KIAA0408: variants seen among roughly 807,000 people sequenced by gnomAD.
KIAA0408 encodes the protein KIAA0408.
KIAA0408 carries 51 observed loss-of-function variants against 60.9 expected under a neutral mutation model. The ratio of observed to expected loss-of-function variants is 0.84; its 90% confidence interval spans 0.67 to 1.06. The LOEUF (loss-of-function observed/expected upper bound fraction) is 1.06, where lower values mean the gene tolerates loss of function less well. KIAA0408 is among the 50% of genes least tolerant of loss of function. KIAA0408 has a pLI of 0.00. For missense variants in KIAA0408, 787 were observed against 833.9 expected, an observed-to-expected ratio of 0.94 and a Z score of 0.69; for synonymous variants, 304 against 282.4, an observed-to-expected ratio of 1.08 and a Z score of -0.77.
In KIAA0408 at chr6:127,450,173, A is replaced by C. The variant is rs775296387; in HGVS notation, c.315T>G (p.Asn105Lys). The change falls in exon 3 of 6, where the codon AAT (asparagine) becomes AAG (lysine). Residue 105 changes from asparagine to lysine, a missense_variant. Physicochemically the swap from Asn to Lys is moderately conservative, Grantham distance 94 (BLOSUM62 0). Coordinates refer to ENST00000483725, the MANE Select transcript of KIAA0408 (RefSeq NM_014702.5). The stretch of plus-strand genomic sequence containing the variant: ...CACTGACTAAGCTCTGCTCTCTTTT[A>C]TTTTCTTTTCTCAGACCATCTTTGT... ...TNHKDGLRKENKREQSLVSGG... is the reference protein window; with the variant it reads ...TNHKDGLRKEKKREQSLVSGG... 2 of 1,613,390 alleles carry C rather than the reference A, an allele frequency of 1.2e-6. No homozygotes were observed. The highest frequency in any genetic ancestry group is 2.2e-5 in the East Asian group (1 of 44,866).
chr6:127,450,026 C>T lies in KIAA0408; in HGVS notation c.462G>A (p.Glu154=). ...CGCCAGAACAGCTCTTGCTGTCTTC[C>T]TCAGAAGTCCTCAGGTCAGGCCAGG... The part of the protein sequence containing the change: ...CEAWPDLRTS[E]EDSKSCSGAL... The change falls in exon 3 of 6, where the codon GAG becomes GAA. Residue 154 remains glutamate (E), a synonymous_variant. Transcript: ENST00000483725. The T allele has an allele frequency of 6.2e-7, 1 of 1,613,970 alleles. No homozygotes were observed. Among genetic ancestry groups the T allele is most frequent in the Non-Finnish European group, 8.5e-7 (1 of 1,179,962 alleles).
rs1056825093 is a variant in KIAA0408 at position 127,441,456 on chromosome 6, C to T, written c.*2653G>A. 8 of 152,450 alleles carry T rather than the reference C, an allele frequency of 5.2e-5. No homozygotes were observed. The highest frequency in any genetic ancestry group is 1.9e-4 in the African/African-American group (8 of 41,406). 9.4% of individuals were successfully genotyped at this position (152,450 alleles called of 1,614,324 possible). On this transcript the variant is annotated 3_prime_UTR_variant, in exon 6 of 6. Transcript: ENST00000483725. ...CACAAACTCAAGTACTCCTCTCTGC[C>T]TCATCCTTATTCCTTTCTGAGATCA...
In KIAA0408 at chr6:127,453,893, T is replaced by C; in HGVS notation, c.89A>G (p.Lys30Arg). 6.2e-7 allele frequency: 1 copy of C among 1,613,014 alleles called. No homozygotes were observed. The highest frequency in any genetic ancestry group is 2.2e-5 in the East Asian group (1 of 44,844). ...ELLDQFDNER[K>R]EWESQWKIMQ... ...AATCTTCCATTGACTTTCCCATTCC[T>C]TTCTTTCATTGTCAAACTGGTCCAG... Residue 30 changes from lysine (K) to arginine (R), a missense_variant, in exon 2 of 6, where the codon AAG becomes AGG. Coordinates refer to ENST00000483725, the MANE Select transcript of KIAA0408 (RefSeq NM_014702.5).
intron 5 of KIAA0408, among the ~76,000 whole-genome samples, chr6:127,445,931 C>T (rs957653234): frequency 1.1e-4 from 17 of 151,978 alleles, no homozygotes; most frequent in African/African-American, 3.6e-4. Context: ...GTGTATTTCC[C>T]ATATTCATAT....
chr6:127,447,670 T>C lies in KIAA0408; in HGVS notation c.649A>G (p.Asn217Asp). ...TNIPHGDPMI[N>D]NDQCILPISL... ...ATTGGAAGAATGCACTGGTCATTGTTGATCATGGGGTCCCCATGAGGTATA... is the reference window on the plus strand; with the variant it reads ...ATTGGAAGAATGCACTGGTCATTGTCGATCATGGGGTCCCCATGAGGTATA... The change falls in exon 5 of 6, where the codon AAC becomes GAC. Residue 217 changes from asparagine to aspartate, a missense_variant. Asn to Asp is a conservative substitution (Grantham distance 23, BLOSUM62 1). Transcript: ENST00000483725. 6.3e-7 allele frequency: 1 copy of C among 1,599,160 alleles called. No homozygotes were observed. Among genetic ancestry groups the C allele is most frequent in the Non-Finnish European group, 8.5e-7 (1 of 1,175,582 alleles).
At chr6:127,456,820 G>C (rs1337595771) in intron 1 of KIAA0408, among the ~76,000 whole-genome samples, 1 of 151,660 alleles carries the variant, frequency 6.6e-6, no homozygotes, top group Non-Finnish European at 1.5e-5. Flanking sequence ...GAGATTAAGT[G>C]AGCAAAAGGG....
chr6:127,452,684 C>T (rs1773321728), intron 2 of KIAA0408, among the ~76,000 whole-genome samples: 1 of 152,056 alleles, frequency 6.6e-6, no homozygotes, highest in Non-Finnish European at 1.5e-5. Context: ...CTGAACTTCC[C>T]AAACATTTGG....
chr6:127,450,590 G>T, intron 2 of KIAA0408: 1 of 414,118 alleles, frequency 2.4e-6, no homozygotes, highest in Non-Finnish European at 4.1e-6. Flanking sequence ...CTTTTGACTA[G>T]CAATCAATCA....
rs1773118460 is a variant in KIAA0408 at position 127,442,251 on chromosome 6, A to T, written c.*1858T>A. On this transcript the variant is annotated 3_prime_UTR_variant, in exon 6 of 6. Transcript: ENST00000483725. Reference sequence around the variant, plus strand: ...GATCATACCAGACTACTTGGGATACACTGGTGGAGAGGAACAGATAGGTTG... The same window carrying T: ...GATCATACCAGACTACTTGGGATACTCTGGTGGAGAGGAACAGATAGGTTG... 1 of 152,222 alleles carries T rather than the reference A, an allele frequency of 6.6e-6. No individual in the cohort carries two copies. Among genetic ancestry groups the T allele is most frequent in the Non-Finnish European group, 1.5e-5 (1 of 68,034 alleles). 9.4% of individuals were successfully genotyped at this position (152,222 alleles called of 1,614,324 possible).
chr6:127,448,751 C>T (rs1352930977), intron 4 of KIAA0408, among the ~76,000 whole-genome samples: 1 of 152,062 alleles, frequency 6.6e-6, no homozygotes, highest in East Asian at 1.9e-4. Flanking sequence ...ACATGATTGG[C>T]TAAGAAAATC....
intron 4 of KIAA0408, among the ~76,000 whole-genome samples, chr6:127,449,378 G>A (rs796373596): frequency 2.0e-4 from 30 of 152,280 alleles, no homozygotes; most frequent in African/African-American, 6.7e-4. Flanking sequence ...GGCCTGGCGT[G>A]GTGGCTCACG....
chr6:127,455,591 T>G (rs1444816669), intron 1 of KIAA0408, among the ~76,000 whole-genome samples: 2 of 152,170 alleles, frequency 1.3e-5, no homozygotes, highest in African/African-American at 4.8e-5. Flanking sequence ...CAAAACACCC[T>G]AATAATTTTG....
rs2114786047 is a variant in KIAA0408, at chr6:127,443,262, T to G, written c.*847A>C. The G allele has an allele frequency of 6.6e-6, 1 of 152,284 alleles. No individual in the cohort carries two copies. Among genetic ancestry groups the G allele is most frequent in the East Asian group, 1.9e-4 (1 of 5,192 alleles). 9.4% of individuals were successfully genotyped at this position (152,284 alleles called of 1,614,324 possible). On this transcript the variant is annotated 3_prime_UTR_variant, in exon 6 of 6. Coordinates refer to ENST00000483725, the MANE Select transcript of KIAA0408 (RefSeq NM_014702.5). ...TGCATCCCATTTAGGAAATGTTTGT[T>G]GCTGAGGCTGACAAAATAAATTCAT...
chr6:127,450,983 G>C (rs572186593), intron 2 of KIAA0408: 1 of 161,640 alleles, frequency 6.2e-6, no homozygotes, highest in Non-Finnish European at 1.3e-5. Flanking sequence ...AATACCCTAC[G>C]TGATATAATA....
At chr6:127,446,185 C>T (rs533519618) in intron 5 of KIAA0408, among the ~76,000 whole-genome samples, 1 of 152,166 alleles carries the variant, frequency 6.6e-6, no homozygotes, top group East Asian at 1.9e-4. Context: ...TATGTTATCC[C>T]ATTTCAGAAT....
intron 5 of KIAA0408, among the ~76,000 whole-genome samples, chr6:127,444,634 TAC>T (rs1241509963): frequency 6.6e-6 from 1 of 152,160 alleles, no homozygotes; most frequent in East Asian, 1.9e-4. Context: ...GTTAGTATGT[TAC>T]AGTGTTATTT....
chr6:127,445,689 A>G (rs1488619627), intron 5 of KIAA0408, among the ~76,000 whole-genome samples: 1 of 152,178 alleles, frequency 6.6e-6, no homozygotes, highest in African/African-American at 2.4e-5. Context: ...CTTCTTTGTA[A>G]ATACCAATTT....
Position 127,453,992 on chromosome 6 carries a change from T to A in KIAA0408, c.-11A>T. Reference sequence around the variant, plus strand: ...CTTATGTAGGTCCATGGCAACAGTGTAAGTGTCAGCAAAGAAGTGTTTCTG... The same window carrying A: ...CTTATGTAGGTCCATGGCAACAGTGAAAGTGTCAGCAAAGAAGTGTTTCTG... On this transcript the variant is annotated 5_prime_UTR_variant, in exon 2 of 6. Coordinates refer to ENST00000483725, the MANE Select transcript of KIAA0408 (RefSeq NM_014702.5). The A allele has an allele frequency of 1.9e-6, 3 of 1,606,998 alleles. No homozygotes were observed. Among genetic ancestry groups the A allele is most frequent in the Non-Finnish European group, 2.5e-6 (3 of 1,176,598 alleles).
In KIAA0408 at chr6:127,454,045, C is replaced by T; in HGVS notation, c.-64G>A. On this transcript the variant is annotated 5_prime_UTR_variant, in exon 2 of 6. Coordinates refer to ENST00000483725, the MANE Select transcript of KIAA0408 (RefSeq NM_014702.5). The stretch of plus-strand genomic sequence containing the variant: ...CTTCTCTGCCTCCTCTTAACTGTTT[C>T]TTGGAAGCTTGAAGTTGTTTTATTT... 6.6e-7 allele frequency: 1 copy of T among 1,518,024 alleles called. No homozygotes were observed. The highest frequency in any genetic ancestry group is 8.8e-7 in the Non-Finnish European group (1 of 1,134,440). The allele number at this position is 1,518,024 out of a possible 1,614,324, so 94.0% of individuals were successfully genotyped here.
Sources: allele counts gnomAD v4.1 joint callset (sites outside exome capture counted in the v4.1 genomes callset), GRCh38; gene constraint gnomAD v4.1.1; transcripts MANE v1.5; gene names NCBI Gene and HGNC (gene_info 2026-07-23, HGNC 2026-07-21).